Variants in ADAMTS3 observed in about 807,000 individuals in gnomAD.
ADAMTS3 encodes the protein ADAM metallopeptidase with thrombospondin type 1 motif 3.
ADAMTS3 carries 73 observed loss-of-function variants against 129.0 expected under a neutral mutation model. The ratio of observed to expected loss-of-function variants is 0.57; its 90% confidence interval spans 0.47 to 0.69. The LOEUF (loss-of-function observed/expected upper bound fraction) is 0.69. Among genes scored for constraint, ADAMTS3 ranks in the 30% least tolerant of loss-of-function variants. ADAMTS3 has a pLI of 0.00. For missense variants in ADAMTS3, 1,457 were observed against 1,514.5 expected (o/e 0.96, Z 0.63); for synonymous variants, 477 against 510.8 (o/e 0.93, Z 0.89).
At chr4:72,365,451 A>G (rs1720845435) in intron 4 of ADAMTS3, among the ~76,000 whole-genome samples, 1 of 152,154 alleles carries the variant, frequency 6.6e-6, no homozygotes, top group Non-Finnish European at 1.5e-5. Context: ...GTAGAGTATT[A>G]TTTGTGATTA....
intron 4 of ADAMTS3, among the ~76,000 whole-genome samples, chr4:72,382,323 A>AT (rs1444845180): frequency 1.3e-5 from 2 of 152,076 alleles, no homozygotes; most frequent in Non-Finnish European, 2.9e-5. Context: ...AGTCATGGAT[A>AT]TAATTATGTC....
intron 4 of ADAMTS3, among the ~76,000 whole-genome samples, chr4:72,357,812 A>AAG (rs1304099478): frequency 1.3e-5 from 2 of 152,000 alleles, no homozygotes; most frequent in East Asian, 3.9e-4. Flanking sequence ...CTATCGATCA[A>AAG]GAAAAAGTTA....
intron 3 of ADAMTS3, among the ~76,000 whole-genome samples, chr4:72,483,120 T>C (rs771479929): frequency 1.3e-5 from 2 of 152,158 alleles, no homozygotes; most frequent in Non-Finnish European, 2.9e-5. Flanking sequence ...TCATCTTTTT[T>C]TTCAACATTT....
intron 3 of ADAMTS3, among the ~76,000 whole-genome samples, chr4:72,544,354 T>C (rs779633891): frequency 6.6e-6 from 1 of 152,146 alleles, no homozygotes; most frequent in African/African-American, 2.4e-5. Context: ...GACCAATCTC[T>C]CTATATTTCT....
intron 3 of ADAMTS3, among the ~76,000 whole-genome samples, chr4:72,541,068 G>A (rs1184924205): frequency 2.0e-5 from 3 of 152,172 alleles, no homozygotes; most frequent in Admixed American, 1.3e-4. Flanking sequence ...TGGAAAAGCT[G>A]CAGACACTCA....
At chr4:72,454,810 G>C (rs79963256) in intron 3 of ADAMTS3, among the ~76,000 whole-genome samples, 1 of 151,662 alleles carries the variant, frequency 6.6e-6, no homozygotes, top group Non-Finnish European at 1.5e-5. Context: ...GCCAGAATCT[G>C]GGCTGTGGAC....
chr4:72,454,953 T>G (rs148465908), intron 3 of ADAMTS3, among the ~76,000 whole-genome samples: 3 of 151,824 alleles, frequency 2.0e-5, no homozygotes, highest in Non-Finnish European at 4.4e-5. Flanking sequence ...ATAACAAAAT[T>G]TAAACACACT....
intron 3 of ADAMTS3, among the ~76,000 whole-genome samples, chr4:72,437,646 C>T (rs1401256180): frequency 1.3e-5 from 2 of 151,700 alleles, no homozygotes; most frequent in Non-Finnish European, 2.9e-5. Context: ...AGCCAAGCCT[C>T]TGTGTTGGTG....
At chr4:72,527,662 T>C (rs1720849947) in intron 3 of ADAMTS3, among the ~76,000 whole-genome samples, 1 of 152,090 alleles carries the variant, frequency 6.6e-6, no homozygotes, top group Admixed American at 6.6e-5. Context: ...GAAAAAACAA[T>C]ACTTGTCGAA....
intron 3 of ADAMTS3, among the ~76,000 whole-genome samples, chr4:72,464,647 C>T (rs1718870304): frequency 6.6e-6 from 1 of 151,982 alleles, no homozygotes; most frequent in South Asian, 2.1e-4. Flanking sequence ...CCTAGAGAAA[C>T]TATAAATCTA....
At chr4:72,319,760 T>C (rs1000497595) in intron 8 of ADAMTS3, 98 bp downstream of exon 8, 4 of 1,013,240 alleles carry the variant, frequency 3.9e-6, no homozygotes, top group East Asian at 2.6e-5. Flanking sequence ...ACAAGAATTG[T>C]ATGCTGGCAT....
At chr4:72,493,023 C>T (rs1488038298) in intron 3 of ADAMTS3, among the ~76,000 whole-genome samples, 1 of 151,716 alleles carries the variant, frequency 6.6e-6, no homozygotes, top group Non-Finnish European at 1.5e-5. Context: ...GACTATTTTG[C>T]CAAATATAAA....
chr4:72,375,115 A>G (rs1027617189), intron 4 of ADAMTS3, among the ~76,000 whole-genome samples: 5 of 152,090 alleles, frequency 3.3e-5, no homozygotes, highest in Non-Finnish European at 7.4e-5. Context: ...CAATTCCTCC[A>G]TTCCATTTCT....
At chr4:72,310,657 T>A (rs1385232316) in intron 14 of ADAMTS3, among the ~76,000 whole-genome samples, 1 of 152,138 alleles carries the variant, frequency 6.6e-6, no homozygotes, top group African/African-American at 2.4e-5. Context: ...AAGAAATGTC[T>A]TATTATCTTT....
chr4:72,515,670 T>C (rs1720450224), intron 3 of ADAMTS3, among the ~76,000 whole-genome samples: 1 of 151,948 alleles, frequency 6.6e-6, no homozygotes, highest in African/African-American at 2.4e-5. Flanking sequence ...TTCGCCCACT[T>C]TTTGATGGGG....
intron 21 of ADAMTS3, among the ~76,000 whole-genome samples, chr4:72,286,616 T>C (rs1032484143): frequency 9.9e-5 from 15 of 152,204 alleles, no homozygotes; most frequent in African/African-American, 3.4e-4. Flanking sequence ...GTCTTACTTA[T>C]GGTGTTGGAG....
At chr4:72,498,254 C>T (rs1036828077) in intron 3 of ADAMTS3, among the ~76,000 whole-genome samples, 3 of 152,050 alleles carry the variant, frequency 2.0e-5, no homozygotes, top group Non-Finnish European at 4.4e-5. Context: ...CTCCTTATAA[C>T]TTTTTAAGCC....
chr4:72,507,733 A>G lies in ADAMTS3; in HGVS notation c.504+40745T>C, dbSNP rs1300877374. Among the ~76,000 whole-genome samples, 6 of 152,116 alleles carry G rather than the reference A, an allele frequency of 3.9e-5. No homozygotes were observed. The East Asian group carries it at 1.2e-3, about 29-fold the overall frequency. ...CTATAAAAATCCCACCACTGCATCC[A>G]TGAAACCCTTTCAGATTGTCATAAA... is the stretch of plus-strand genomic sequence containing the variant. On this transcript the variant is annotated intron_variant, in intron 3 of 21. Transcript: ENST00000286657.
intron 15 of ADAMTS3, among the ~76,000 whole-genome samples, chr4:72,308,300 G>A (rs113735763): frequency 2.5e-4 from 38 of 151,918 alleles, no homozygotes; most frequent in African/African-American, 8.7e-4. Context: ...AAAGACATCA[G>A]TAACAAGAAA....
Sources: allele counts gnomAD v4.1 joint callset (sites outside exome capture counted in the v4.1 genomes callset), GRCh38; gene constraint gnomAD v4.1.1; transcripts MANE v1.5; gene names NCBI Gene and HGNC (gene_info 2026-07-23, HGNC 2026-07-21).